Variants in ZAN observed in about 807,000 individuals in gnomAD.
The protein encoded by ZAN is zonadhesin.
Under a neutral mutation model 286.2 loss-of-function variants are expected in ZAN, and 260 were observed. The ratio of observed to expected loss-of-function variants is 0.91; its 90% confidence interval spans 0.82 to 1.01. The LOEUF is 1.01. ZAN is among the 50% of genes least tolerant of loss of function. ZAN has a pLI of 0.00. For missense variants in ZAN, 3,410 were observed against 3,639.2 expected (o/e 0.94, Z 1.62); for synonymous variants, 1,368 against 1,417.5 (o/e 0.97, Z 0.79).
chr7:100,738,728 A>C, intron 7 of ZAN, 115 bp downstream of exon 7: 102 of 1,165,160 alleles, frequency 8.8e-5, no homozygotes, highest in Middle Eastern at 5.6e-4. Flanking sequence ...TTACCAGCTC[A>C]AGTTTCACGC....
intron 19 of ZAN, 42 bp downstream of exon 19, chr7:100,760,578 C>T: frequency 6.2e-7 from 1 of 1,602,250 alleles, no homozygotes; most frequent in Non-Finnish European, 8.5e-7. Context: ...CTTCTTCCTG[C>T]TGCCTCTTCC....
chr7:100,773,652 C>G lies in ZAN; in HGVS notation c.5635-69C>G, dbSNP rs570697177. The G allele has an allele frequency of 6.4e-6, 10 of 1,563,304 alleles. No homozygotes were observed. In the African/African-American group the frequency reaches 1.4e-4, roughly 21 times the overall value. On this transcript the variant is annotated intron_variant, in intron 30 of 47. Coordinates refer to ENST00000613979, the MANE Select transcript of ZAN (RefSeq NM_003386.3). The stretch of plus-strand genomic sequence containing the variant: ...GAAGGGCAGATGCTGCACCCAGCTT[C>G]AACTGGGGCGTTGGCCCATCTCCCA...
chr7:100,762,241 T>G lies in ZAN; in HGVS notation c.3869T>G (p.Leu1290Trp). The G allele has an allele frequency of 6.2e-7, 1 of 1,613,416 alleles. No homozygotes were observed. The highest frequency in any genetic ancestry group is 8.5e-7 in the Non-Finnish European group (1 of 1,179,620). The change falls in exon 20 of 48, where the codon TTG becomes TGG. Residue 1290 changes from leucine (L) to tryptophan (W), a missense_variant. By Grantham distance (61) the Leu-to-Trp change is moderately conservative (BLOSUM62 -2). This residue lies in a region of ZAN where 1,042 missense variants were observed against 1,058.0 expected (regional missense o/e 0.98). Transcript: ENST00000613979. Reference protein sequence around the residue: ...SSTYSGKLCGLCGNYDGNSDN... With the variant: ...SSTYSGKLCGWCGNYDGNSDN... ...ACATACTCTGGCAAACTCTGTGGTT[T>G]GTGTGGGAACTATGACGGCAACAGT... is the stretch of plus-strand genomic sequence containing the variant.
intron 17 of ZAN, 88 bp from the exon 18 acceptor site, chr7:100,759,630 TCTC>T: frequency 2.1e-6 from 3 of 1,424,762 alleles, no homozygotes; most frequent in East Asian, 2.7e-5. Flanking sequence ...GTGGCGCTCA[TCTC>T]TCCCTGCGGC....
rs1292252403 is a variant in ZAN at position 100,792,379 on chromosome 7, C to G, written c.7713-26C>G. The G allele has an allele frequency of 1.9e-6, 3 of 1,582,884 alleles. No individual in the cohort carries two copies. In the East Asian group the frequency reaches 6.8e-5, roughly 36 times the overall value. On this transcript the variant is annotated intron_variant, in intron 41 of 47. Transcript: ENST00000613979. ...TCCTCCCCTCCCCAAACTGACTGTGCCCTTCCTGCCCCCTCTCTGCACCAG... is the reference window on the plus strand; with the variant it reads ...TCCTCCCCTCCCCAAACTGACTGTGGCCTTCCTGCCCCCTCTCTGCACCAG...
In ZAN at chr7:100,787,854, G is replaced by A. The variant is rs768054646; in HGVS notation, c.6980-35G>A. 8.1e-6 allele frequency: 12 copies of A among 1,474,172 alleles called. No individual in the cohort carries two copies. In the East Asian group the frequency reaches 9.5e-5, roughly 12 times the overall value. 91.3% of individuals were successfully genotyped at this position (1,474,172 alleles called of 1,614,324 possible). On this transcript the variant is annotated intron_variant, in intron 37 of 47. Coordinates refer to ENST00000613979, the MANE Select transcript of ZAN (RefSeq NM_003386.3). ...TGGGATTACAGGCGTGAGCCACTGC[G>A]CCCGGCCCCTTCTCACTGTCTGACT...
chr7:100,779,587 C>A lies in ZAN; in HGVS notation c.6459C>A (p.Cys2153Ter). ...AALRAPVWAQ[C>*]ASRIDLTPFL... ...TCCGGGCTCCTGTGTGGGCCCAGTG[C>A]GCCTCCCGCATAGACCTCACGCCCT... The change falls in exon 35 of 48, where the codon TGC (cysteine) becomes TGA (stop). Residue 2153 changes from cysteine (C) to a stop codon, truncating the protein, a stop_gained. Transcript: ENST00000613979. LOFTEE classifies it high-confidence loss of function. 1.2e-6 allele frequency: 2 copies of A among 1,609,148 alleles called. No homozygotes were observed. Among genetic ancestry groups the A allele is most frequent in the Non-Finnish European group, 8.5e-7 (1 of 1,177,898 alleles).
rs1811045495 is a variant in ZAN, at chr7:100,779,500, C to G, written c.6372C>G (p.Asn2124Lys). ...AGATTCCAGCGGAACAGCAGGAGAA[C>G]CCGAGTGGAAACTGCAGGGCGGCCG... ...EQQIPAEQQE[N>K]PSGNCRAADL... The change falls in exon 35 of 48, where the codon AAC becomes AAG. Residue 2124 changes from asparagine (N) to lysine (K), a missense_variant. Asn to Lys is a moderately conservative substitution (Grantham distance 94). Around this residue, in one of 7 missense-constraint regions of ZAN, gnomAD observed 1,289 missense variants for 1,314.3 expected, o/e 0.98. Coordinates refer to ENST00000613979, the MANE Select transcript of ZAN (RefSeq NM_003386.3). 6.2e-7 allele frequency: 1 copy of G among 1,612,450 alleles called. No homozygotes were observed. Among genetic ancestry groups the G allele is most frequent in the Non-Finnish European group, 8.5e-7 (1 of 1,179,412 alleles).
At chr7:100,793,598 C>T (rs1051634049) in intron 42 of ZAN, among the ~76,000 whole-genome samples, 4 of 152,040 alleles carry the variant, frequency 2.6e-5, no homozygotes, top group East Asian at 1.9e-4. Flanking sequence ...CCACCACGCC[C>T]GGCTCATTTT....
chr7:100,792,554 T>C (rs368498869), intron 42 of ZAN, 75 bp downstream of exon 42: 2 of 1,597,834 alleles, frequency 1.3e-6, no homozygotes, highest in African/African-American at 2.7e-5. Context: ...GGTGAGGTGT[T>C]GCCCCTCCCT....
chr7:100,745,502 T>C (rs1415278027), intron 7 of ZAN, among the ~76,000 whole-genome samples: 1 of 151,442 alleles, frequency 6.6e-6, no homozygotes, highest in Non-Finnish European at 1.5e-5. Flanking sequence ...TGGTGTTGGG[T>C]GAGAGGGGGT....
Position 100,755,312 on chromosome 7 carries a change from CGGGAGGGCTGTG to C in ZAN, c.3212_3223del (p.Arg1071_Val1075delinsLeu). 2 of 1,613,850 alleles carry C rather than the reference CGGGAGGGCTGTG, an allele frequency of 1.2e-6. No individual in the cohort carries two copies. Among genetic ancestry groups the C allele is most frequent in the Non-Finnish European group, 1.7e-6 (2 of 1,179,880 alleles). The stretch of plus-strand genomic sequence containing the variant: ...CAGGCCTAGCTGTGGGCCCCTCTGT[CGGGAGGGCTGTG>C]TCTGCAACCCTGGCTTTTTGTTTAG... On this transcript the variant is annotated inframe_deletion, in exon 15 of 48. Transcript: ENST00000613979.
At chr7:100,792,512 C>G in intron 42 of ZAN, 33 bp downstream of exon 42, 2 of 1,612,872 alleles carry the variant, frequency 1.2e-6, no homozygotes, top group Non-Finnish European at 1.7e-6. Flanking sequence ...GCGGGCGCTG[C>G]CCTGGCTGGC....
Position 100,735,916 on chromosome 7 carries a change from C to T in ZAN, c.106+144C>T, listed in dbSNP as rs111408615. 2,671 of 655,054 alleles carry T rather than the reference C, an allele frequency of 4.1e-3. 392 individuals are homozygous for T. The African/African-American group carries it at 0.045, about 11-fold the overall frequency. 40.6% of individuals were successfully genotyped at this position (655,054 alleles called of 1,614,324 possible). A position where few individuals can be genotyped will look rare whatever the true frequency, so the allele number is the denominator to read the frequency against. ...CATCAGCCAGGACTACAAAATGTGTCCTGCCAGGCCAAGTCCAGCCCTCCA... is the reference window on the plus strand; with the variant it reads ...CATCAGCCAGGACTACAAAATGTGTTCTGCCAGGCCAAGTCCAGCCCTCCA... On this transcript the variant is annotated intron_variant, in intron 3 of 47. Transcript: ENST00000613979.
At position 100,749,675 on chromosome 7, in the gene ZAN, TAC is replaced by T. The variant is rs1289308039; in HGVS notation, c.1250-938_1250-937del. On this transcript the variant is annotated intron_variant, in intron 11 of 47. Transcript: ENST00000613979. ...AAATATATATATATATATATATATA[TAC>T]ACACACACACATATATATACACACA... Among the ~76,000 whole-genome samples, 1,280 of 130,310 alleles carry T rather than the reference TAC, an allele frequency of 9.8e-3. 40 individuals carry two copies. The highest frequency in any genetic ancestry group is 0.034 in the African/African-American group (1,168 of 34,112). The allele number at this position is 130,310 out of a possible 152,430, so 85.5% of individuals were successfully genotyped here.
Position 100,792,435 on chromosome 7 carries a change from G to T in ZAN, c.7743G>T (p.Gln2581His), listed in dbSNP as rs761525171. 6.2e-7 allele frequency: 1 copy of T among 1,613,814 alleles called. No individual in the cohort carries two copies. Among genetic ancestry groups the T allele is most frequent in the South Asian group, 1.1e-5 (1 of 91,072 alleles). Residue 2581 changes from glutamine (Q) to histidine (H), a missense_variant, in exon 42 of 48, where the codon CAG (glutamine) becomes CAT (histidine). This residue lies in a region of ZAN where 1,289 missense variants were observed against 1,314.3 expected (regional missense o/e 0.98). Coordinates refer to ENST00000613979, the MANE Select transcript of ZAN (RefSeq NM_003386.3). ...EHCVLDLCSA[Q>H]DPREQEELRC... is the part of the protein sequence containing the mutation. ...GCGTGCTGGATCTGTGCTCTGCTCA[G>T]GACCCAAGAGAGCAAGAGGAGCTGC...
chr7:100,756,961 T>C lies in ZAN; in HGVS notation c.3310-1241T>C, dbSNP rs1809191172. On this transcript the variant is annotated intron_variant, in intron 15 of 47. Coordinates refer to ENST00000613979, the MANE Select transcript of ZAN (RefSeq NM_003386.3). The stretch of plus-strand genomic sequence containing the variant: ...TTTTGTATTTTTGGTAGAGATGGGG[T>C]TTCTTCATGTTAGTAAGGCTGGTCT... Among the ~76,000 whole-genome samples the C allele has an allele frequency of 2.0e-5, 3 of 151,830 alleles. No individual in the cohort carries two copies. The South Asian group carries it at 6.2e-4, about 32-fold the overall frequency.
In ZAN at chr7:100,752,225, C is replaced by A. The variant is rs780403854; in HGVS notation, c.2120C>A (p.Thr707Lys). 18 of 1,610,726 alleles carry A rather than the reference C, an allele frequency of 1.1e-5. No individual in the cohort carries two copies. The highest frequency in any genetic ancestry group is 1.5e-5 in the Non-Finnish European group (18 of 1,178,820). The change falls in exon 14 of 48, where the codon ACA becomes AAA. Residue 707 changes from threonine (T) to lysine (K), a missense_variant. Thr to Lys is a moderately conservative substitution (Grantham distance 78). Around this residue, in one of 7 missense-constraint regions of ZAN, gnomAD observed 872 missense variants for 938.9 expected, o/e 0.93. Transcript: ENST00000613979. ...TCCATGGAAGAGACTATCATCTCCA[C>A]AGAAAAACCCACCATCTCCCCAGAA... The part of the protein sequence containing the change: ...TISMEETIIS[T>K]EKPTISPEKP...
Position 100,773,770 on chromosome 7 carries a change from G to T in ZAN, c.5684G>T (p.Cys1895Phe). ...TENTCTRLCT[C>F]SVHNNITCFQ... ...AACACCTGCACCAGGCTCTGCACCT[G>T]CTCCGTCCACAACAACATCACCTGC... Residue 1895 changes from cysteine to phenylalanine, a missense_variant, in exon 31 of 48, where the codon TGC (cysteine) becomes TTC (phenylalanine). Physicochemically the swap from Cys to Phe is radical, Grantham distance 205 (BLOSUM62 -2). This residue lies in a region of ZAN where 1,289 missense variants were observed against 1,314.3 expected (regional missense o/e 0.98). Transcript: ENST00000613979. 1 of 1,611,908 alleles carries T rather than the reference G, an allele frequency of 6.2e-7. No individual in the cohort carries two copies. Among genetic ancestry groups the T allele is most frequent in the Non-Finnish European group, 8.5e-7 (1 of 1,178,964 alleles).
Sources: gnomAD v4.1 joint callset for allele counts (sites outside exome capture counted in the v4.1 genomes callset) on GRCh38, gnomAD v4.1.1 for gene constraint, gnomAD v4.1.1 regional missense constraint, MANE v1.5 for transcripts, NCBI Gene and HGNC (gene_info 2026-07-23, HGNC 2026-07-21) for gene names.